Variants in SNX14 observed in about 807,000 individuals in gnomAD.
SNX14 encodes sorting nexin 14, also known as sorting nexin-14.
Under a neutral mutation model 133.8 loss-of-function variants are expected in SNX14, and 93 were observed. The observed-to-expected ratio is 0.70, with a 90% CI of 0.59 to 0.83. The LOEUF is 0.83. SNX14 is among the 40% of genes least tolerant of loss of function. SNX14 has a pLI of 0.00. For missense variants in SNX14, 945 were observed against 1,094.9 expected, an observed-to-expected ratio of 0.86 and a Z score of 1.93; for synonymous variants, 368 against 365.6, an observed-to-expected ratio of 1.01 and a Z score of -0.07.
intron 5 of SNX14, 95 bp downstream of exon 5, chr6:85,567,439 A>G (rs1794235944): frequency 1.1e-6 from 1 of 933,258 alleles, no homozygotes; most frequent in African/African-American, 1.7e-5. Flanking sequence ...CAAAGTTGAG[A>G]AATCCTGGTC....
chr6:85,545,430 T>A (rs1415766347), intron 12 of SNX14, among the ~76,000 whole-genome samples: 3 of 152,038 alleles, frequency 2.0e-5, no homozygotes, highest in South Asian at 2.1e-4. Context: ...ATTAAACATT[T>A]CAATCAGATA....
At chr6:85,588,976 G>T (rs2128242233) in intron 1 of SNX14, 1 of 445,010 alleles carries the variant, frequency 2.2e-6, no homozygotes, top group South Asian at 1.6e-5. Context: ...GGTGAAAGAG[G>T]TAGAAGGGGA....
intron 8 of SNX14, among the ~76,000 whole-genome samples, chr6:85,549,003 A>G (rs1786816739): frequency 1.3e-5 from 2 of 151,148 alleles, no homozygotes; most frequent in Admixed American, 6.6e-5. Context: ...GAAAGAAAAT[A>G]CTTTCTATCT....
intron 1 of SNX14, among the ~76,000 whole-genome samples, chr6:85,592,780 G>A (rs1403223660): frequency 6.6e-6 from 1 of 150,882 alleles, no homozygotes; most frequent in Non-Finnish European, 1.5e-5. Flanking sequence ...ACGAGGTCAG[G>A]AGATCGAGAC....
intron 7 of SNX14, among the ~76,000 whole-genome samples, chr6:85,550,653 T>C (rs1787475518): frequency 1.3e-5 from 2 of 152,218 alleles, no homozygotes; most frequent in South Asian, 2.1e-4. Context: ...CGGGTACTCC[T>C]GTGCCCGGCT....
At chr6:85,583,789 G>A (rs1325344545) in intron 1 of SNX14, among the ~76,000 whole-genome samples, 1 of 152,076 alleles carries the variant, frequency 6.6e-6, no homozygotes, top group Non-Finnish European at 1.5e-5. Flanking sequence ...TCATGGATAG[G>A]AAGAATCAAT....
intron 12 of SNX14, 145 bp downstream of exon 12, chr6:85,546,967 A>AAC: frequency 9.6e-6 from 2 of 209,150 alleles, no homozygotes; most frequent in East Asian, 1.3e-4. Flanking sequence ...GCCTCAAACA[A>AAC]AAAAAAAAAA....
intron 16 of SNX14, among the ~76,000 whole-genome samples, chr6:85,537,811 AG>A (rs1329094439): frequency 1.3e-4 from 20 of 152,224 alleles, no homozygotes; most frequent in Admixed American, 5.2e-4. Context: ...TAGCCGGGCG[AG>A]GTGGCAGGCA....
rs902340139 is a variant in SNX14 at position 85,543,212 on chromosome 6, T to C, written c.1359A>G (p.Val453=). 2 of 1,589,310 alleles carry C rather than the reference T, an allele frequency of 1.3e-6. No homozygotes were observed. Among genetic ancestry groups the C allele is most frequent in the Non-Finnish European group, 1.7e-6 (2 of 1,171,180 alleles). ...YEHVLSLLEN[V]FTPMFCHSDE... ...CACTATGGCAGAACATAGGAGTAAA[T>C]ACATTCTCCAAAAGGGAAAGAACAT... The change falls in exon 14 of 29, where the codon GTA becomes GTG. Residue 453 remains valine (V), a synonymous_variant. Coordinates refer to ENST00000314673, the MANE Select transcript of SNX14 (RefSeq NM_153816.6).
chr6:85,577,310 AG>A (rs1460167574), intron 1 of SNX14, among the ~76,000 whole-genome samples: 1 of 152,004 alleles, frequency 6.6e-6, no homozygotes, highest in Non-Finnish European at 1.5e-5. Context: ...CCCAGCTACT[AG>A]GGAAGGTGAG....
At chr6:85,515,766 A>AT (rs573230494) in intron 23 of SNX14, among the ~76,000 whole-genome samples, 114 of 149,980 alleles carry the variant, frequency 7.6e-4, no homozygotes, top group South Asian at 1.3e-3. Flanking sequence ...TTTCAGTGTA[A>AT]TTTTTTTTTT....
At chr6:85,540,488 T>A (rs1783343126) in intron 15 of SNX14, among the ~76,000 whole-genome samples, 1 of 152,208 alleles carries the variant, frequency 6.6e-6, no homozygotes, top group African/African-American at 2.4e-5. Flanking sequence ...AAGAACGCTA[T>A]TTTAAATAGC....
intron 21 of SNX14, among the ~76,000 whole-genome samples, chr6:85,519,637 G>A (rs577638631): frequency 6.2e-4 from 95 of 152,182 alleles, no homozygotes; most frequent in African/African-American, 2.1e-3. Flanking sequence ...TTGGGAGGCC[G>A]AGGCGGGCGG....
At chr6:85,557,554 C>T (rs1790163125) in intron 7 of SNX14, among the ~76,000 whole-genome samples, 1 of 152,086 alleles carries the variant, frequency 6.6e-6, no homozygotes, top group Non-Finnish European at 1.5e-5. Flanking sequence ...GATTTAAATA[C>T]ACAGTTTAGA....
intron 7 of SNX14, among the ~76,000 whole-genome samples, chr6:85,553,551 G>A (rs898737885): frequency 6.6e-6 from 1 of 152,100 alleles, no homozygotes; most frequent in Non-Finnish European, 1.5e-5. Flanking sequence ...TTAGGAGGCC[G>A]AGGCGGACGG....
At chr6:85,562,081 T>C (rs1239734732) in intron 6 of SNX14, among the ~76,000 whole-genome samples, 1 of 152,214 alleles carries the variant, frequency 6.6e-6, no homozygotes, top group Non-Finnish European at 1.5e-5. Context: ...CTCCTACTTA[T>C]AAATGAGAAC....
At chr6:85,507,181 T>C (rs191748403) in intron 28 of SNX14, 52 bp downstream of exon 28, 98 of 1,438,056 alleles carry the variant, frequency 6.8e-5, no homozygotes, top group Non-Finnish European at 9.4e-5. Flanking sequence ...TTAAAATAAA[T>C]GTCAGCATAC....
intron 1 of SNX14, among the ~76,000 whole-genome samples, chr6:85,584,642 GA>G (rs1369025703): frequency 1.3e-5 from 2 of 152,104 alleles, no homozygotes; most frequent in Non-Finnish European, 2.9e-5. Flanking sequence ...ACAAACATAT[GA>G]AAAAAAGCTC....
chr6:85,515,217 A>C (rs1449494729), intron 23 of SNX14, among the ~76,000 whole-genome samples: 1 of 150,270 alleles, frequency 6.7e-6, no homozygotes, highest in East Asian at 2.0e-4. Context: ...CAGTGAGCCG[A>C]AATCGTGCCA....
Sources: allele counts gnomAD v4.1 joint callset (sites outside exome capture counted in the v4.1 genomes callset), GRCh38; gene constraint gnomAD v4.1.1; transcripts MANE v1.5; gene names NCBI Gene and HGNC (gene_info 2026-07-23, HGNC 2026-07-21).